Variants in SETD2 observed in about 807,000 individuals in gnomAD.
The protein encoded by SETD2 is histone-lysine N-methyltransferase SETD2.
A neutral mutation model predicts 242.1 loss-of-function variants in SETD2; 31 were observed. The observed-to-expected ratio is 0.13, with a 90% confidence interval of 0.10 to 0.17. The LOEUF (loss-of-function observed/expected upper bound fraction) is 0.17. Among genes scored for constraint, SETD2 ranks in the 10% least tolerant of loss-of-function variants. SETD2 has a pLI of 1.00. For synonymous variants in SETD2, 1,006 were observed against 1,066.5 expected (o/e 0.94, Z 1.11); for missense variants, 2,481 against 3,046.3 (o/e 0.81, Z 4.37).
At chr3:47,068,221 G>A (rs2040647662) in intron 12 of SETD2, among the ~76,000 whole-genome samples, 1 of 152,058 alleles carries the variant, frequency 6.6e-6, no homozygotes, top group South Asian at 2.1e-4. Flanking sequence ...CACACCTGTG[G>A]CCTCCTCTCC....
chr3:47,113,724 A>G, intron 5 of SETD2, 152 bp downstream of exon 5: 1 of 592,690 alleles, frequency 1.7e-6, no homozygotes, highest in Non-Finnish European at 2.7e-6. Flanking sequence ...CTGTAGTTCC[A>G]GCTACTTGAG....
chr3:47,088,018 C>G (rs2041639219), intron 10 of SETD2, 95 bp downstream of exon 10: 1 of 1,216,814 alleles, frequency 8.2e-7, no homozygotes, highest in South Asian at 1.6e-5. Flanking sequence ...TAAAATAAGA[C>G]TAACTCTTAT....
At chr3:47,106,402 T>C (rs2042420109) in intron 5 of SETD2, among the ~76,000 whole-genome samples, 1 of 145,992 alleles carries the variant, frequency 6.8e-6, no homozygotes, top group African/African-American at 2.5e-5. Flanking sequence ...ATCATTCAAG[T>C]CTGGCTTACA....
At chr3:47,095,205 G>A (rs954277691) in intron 9 of SETD2, among the ~76,000 whole-genome samples, 12 of 152,032 alleles carry the variant, frequency 7.9e-5, no homozygotes, top group South Asian at 4.2e-4. Context: ...GTGCCATCTC[G>A]GCTCACTGCA....
chr3:47,069,492 T>G (rs772756272), intron 12 of SETD2, among the ~76,000 whole-genome samples: 1 of 152,110 alleles, frequency 6.6e-6, no homozygotes, highest in African/African-American at 2.4e-5. Flanking sequence ...ATGCCAGACA[T>G]GCGTATTTTT....
chr3:47,019,932 G>A, intron 18 of SETD2, 92 bp from the exon 19 acceptor site: 1 of 1,058,212 alleles, frequency 9.4e-7, no homozygotes, highest in Non-Finnish European at 1.5e-6. Context: ...CTTTCCCCTA[G>A]CAGGGATACC....
intron 13 of SETD2, among the ~76,000 whole-genome samples, chr3:47,065,137 A>G (rs2040505919): frequency 6.6e-6 from 1 of 152,152 alleles, no homozygotes; most frequent in Non-Finnish European, 1.5e-5. Flanking sequence ...CTGATAATCA[A>G]CCCTATAGTG....
At position 47,123,790 on chromosome 3, in the gene SETD2, T is replaced by C. The variant is rs1237678583; in HGVS notation, c.846A>G (p.Glu282=). Residue 282 remains glutamate, a synonymous_variant, in exon 3 of 21, where the codon GAA becomes GAG. Transcript: ENST00000409792. ...NEQADISSKK[E]DSHIGKDEEI... is the part of the protein sequence containing the mutation. ...CTTCATCCTTCCCAATATGGGAATC[T>C]TCTTTTTTTGAGGAAATATCTGCTT... 2 of 1,547,510 alleles carry C rather than the reference T, an allele frequency of 1.3e-6. No individual in the cohort carries two copies. Among genetic ancestry groups the C allele is most frequent in the Non-Finnish European group, 8.7e-7 (1 of 1,145,318 alleles).
chr3:47,021,829 C>A (rs750483269), intron 18 of SETD2, among the ~76,000 whole-genome samples: 31 of 152,126 alleles, frequency 2.0e-4, no homozygotes, highest in African/African-American at 7.2e-4. Flanking sequence ...TAGGACCCCC[C>A]ACTCCAAAAA....
chr3:47,140,500 A>G (rs966393600), intron 1 of SETD2, among the ~76,000 whole-genome samples: 1 of 152,236 alleles, frequency 6.6e-6, no homozygotes, highest in Non-Finnish European at 1.5e-5. Context: ...ATACCAAATA[A>G]GCCTCAAAAG....
At chr3:47,136,174 A>G (rs1575834099) in intron 1 of SETD2, among the ~76,000 whole-genome samples, 2 of 151,918 alleles carry the variant, frequency 1.3e-5, no homozygotes, top group African/African-American at 4.8e-5. Flanking sequence ...CATCTACCCA[A>G]TTGCTCAGAT....
At chr3:47,114,960 A>G (rs1380182189) in intron 4 of SETD2, among the ~76,000 whole-genome samples, 5 of 152,094 alleles carry the variant, frequency 3.3e-5, no homozygotes, top group Non-Finnish European at 7.4e-5. Context: ...CCAGCAGCAA[A>G]TAACATTTTT....
chr3:47,042,718 ACATTTTTGATCAG>A lies in SETD2; in HGVS notation c.7099-31_7099-19del. On this transcript the variant is annotated intron_variant, in intron 16 of 20. Transcript: ENST00000409792. ...ATTTCAGACTACAAAGAAAACACAC[ACATTTTTGATCAG>A]TGATCTCTCTCTTAATCTGGCTGAA... 6.3e-7 allele frequency: 1 copy of A among 1,582,544 alleles called. No individual in the cohort carries two copies. The highest frequency in any genetic ancestry group is 8.6e-7 in the Non-Finnish European group (1 of 1,165,890).
rs1323141237 is a variant in SETD2 at position 47,083,903 on chromosome 3, T to C, written c.5877A>G (p.Glu1959=). 6.2e-7 allele frequency: 1 copy of C among 1,614,172 alleles called. No individual in the cohort carries two copies. Among genetic ancestry groups the C allele is most frequent in the East Asian group, 2.2e-5 (1 of 44,882 alleles). The stretch of plus-strand genomic sequence containing the variant: ...TGCCGTTGCTCTCTTTGGGCTCTAT[T>C]TCAGCGTCAGCTTCTGGTTCAGATG... ...LPTSEPEADA[E]IEPKESNGTK... Residue 1959 remains glutamate (E), a synonymous_variant, in exon 12 of 21, where the codon GAA becomes GAG. Coordinates refer to ENST00000409792, the MANE Select transcript of SETD2 (RefSeq NM_014159.7).
intron 1 of SETD2, among the ~76,000 whole-genome samples, chr3:47,131,903 G>A (rs563113912): frequency 1.4e-4 from 21 of 151,516 alleles, no homozygotes; most frequent in East Asian, 3.9e-4. Context: ...TCAGCCTCGC[G>A]AGTAGCTGGG....
chr3:47,081,398 T>C (rs1332701409), intron 12 of SETD2, among the ~76,000 whole-genome samples: 1 of 152,138 alleles, frequency 6.6e-6, no homozygotes, highest in Non-Finnish European at 1.5e-5. Context: ...TTTAGTACGA[T>C]CTTGGAATTA....
In SETD2 at chr3:47,071,835, A is replaced by G. The variant is rs548366692; in HGVS notation, c.6061-4717T>C. 2.0e-5 allele frequency among the ~76,000 whole-genome samples: 3 copies of G among 152,324 alleles called. No homozygotes were observed. In the South Asian group the frequency reaches 6.2e-4, roughly 32 times the overall value. ...TACAACGTTTTCTTATGACAGGCTC[A>G]AAAGGTACTCATTGGAAGCAATGCA... On this transcript the variant is annotated intron_variant, in intron 12 of 20. Coordinates refer to ENST00000409792, the MANE Select transcript of SETD2 (RefSeq NM_014159.7).
intron 1 of SETD2, 107 bp downstream of exon 1, chr3:47,163,747 C>A: frequency 1.0e-6 from 1 of 957,170 alleles, no homozygotes. Context: ...CCACCGTGGG[C>A]CTGTTACTCC....
chr3:47,048,690 C>G (rs985416055), intron 15 of SETD2, among the ~76,000 whole-genome samples: 3 of 152,062 alleles, frequency 2.0e-5, no homozygotes, highest in African/African-American at 7.2e-5. Context: ...GTATAAACAA[C>G]CCTCCTCCCT....
Sources: allele counts gnomAD v4.1 joint callset (sites outside exome capture counted in the v4.1 genomes callset), GRCh38; gene constraint gnomAD v4.1.1; transcripts MANE v1.5; gene names NCBI Gene and HGNC (gene_info 2026-07-23, HGNC 2026-07-21).